The following NRXN1 variants were observed in gnomAD, a reference collection of about 807,000 sequenced individuals.
NRXN1 encodes the protein neurexin 1, also known as neurexin-1.
NRXN1 carries 39 observed loss-of-function variants against 150.9 expected under a neutral mutation model. The ratio of observed to expected loss-of-function variants is 0.26; its 90% confidence interval spans 0.20 to 0.34. NRXN1 has a LOEUF of 0.34. Among genes scored for constraint, NRXN1 ranks in the 10% least tolerant of loss-of-function variants. The pLI, the probability that NRXN1 is intolerant of heterozygous loss-of-function variation, is 1.00. For synonymous variants in NRXN1, 924 were observed against 757.0 expected (o/e 1.22, Z -3.62); for missense variants, 1,815 against 1,949.9 (o/e 0.93, Z 1.30).
chr2:50,263,314 C>T (rs1446487392), intron 17 of NRXN1, among the ~76,000 whole-genome samples: 2 of 151,762 alleles, frequency 1.3e-5, no homozygotes, highest in African/African-American at 2.4e-5. Flanking sequence ...TATAACTGTC[C>T]CATACTGAAG....
At chr2:50,254,317 G>T (rs760750053) in intron 17 of NRXN1, among the ~76,000 whole-genome samples, 126 of 138,190 alleles carry the variant, frequency 9.1e-4, no homozygotes, top group Non-Finnish European at 1.8e-3. Flanking sequence ...TTTTTTATTA[G>T]TCTAGCTATC....
At chr2:50,152,717 A>G (rs1182917596) in intron 18 of NRXN1, among the ~76,000 whole-genome samples, 2 of 151,818 alleles carry the variant, frequency 1.3e-5, no homozygotes, top group African/African-American at 4.8e-5. Flanking sequence ...GATGACATGT[A>G]TGAATGACTT....
chr2:50,548,388 G>C (rs1043103689), intron 9 of NRXN1, among the ~76,000 whole-genome samples: 3 of 152,130 alleles, frequency 2.0e-5, no homozygotes, highest in African/African-American at 7.2e-5. Context: ...ATTCACAAGA[G>C]AACACCAGTT....
chr2:50,572,398 C>T (rs113410200), intron 8 of NRXN1, among the ~76,000 whole-genome samples: 4,174 of 152,160 alleles, frequency 0.027, 80 homozygotes, highest in Middle Eastern at 0.11. Flanking sequence ...GATCTAGCTC[C>T]TTCTGTTTTT....
chr2:49,975,302 T>A (rs1383283752), intron 21 of NRXN1, among the ~76,000 whole-genome samples: 1 of 152,002 alleles, frequency 6.6e-6, no homozygotes, highest in Non-Finnish European at 1.5e-5. Context: ...TTTTATTGCT[T>A]TTCATTGCCC....
chr2:50,411,039 T>TCTCCCC, intron 17 of NRXN1, among the ~76,000 whole-genome samples: 1 of 151,720 alleles, frequency 6.6e-6, no homozygotes, highest in Non-Finnish European at 1.5e-5. Context: ...TCCCTCTCCC[T>TCTCCCC]CTCCCCCTCC....
intron 19 of NRXN1, among the ~76,000 whole-genome samples, chr2:50,064,714 C>A (rs1695099669): frequency 1.3e-5 from 2 of 152,084 alleles, no homozygotes; most frequent in South Asian, 4.1e-4. Context: ...AAATGTTAAC[C>A]CTCCAAGGAG....
At chr2:50,344,898 C>A (rs1201860505) in intron 17 of NRXN1, among the ~76,000 whole-genome samples, 1 of 152,194 alleles carries the variant, frequency 6.6e-6, no homozygotes, top group Non-Finnish European at 1.5e-5. Flanking sequence ...CCATCTGCCT[C>A]ACCACACCCA....
chr2:50,165,409 C>T (rs574320118), intron 18 of NRXN1, among the ~76,000 whole-genome samples: 14 of 152,232 alleles, frequency 9.2e-5, no homozygotes, highest in East Asian at 3.9e-4. Context: ...AGTGCAGTGG[C>T]GCAATCTCAG....
At chr2:50,342,216 C>T (rs918525550) in intron 17 of NRXN1, among the ~76,000 whole-genome samples, 1 of 152,126 alleles carries the variant, frequency 6.6e-6, no homozygotes, top group African/African-American at 2.4e-5. Flanking sequence ...TTTTGGGCAA[C>T]CAAAAAATTA....
At chr2:50,608,256 T>C (rs575076475) in intron 8 of NRXN1, among the ~76,000 whole-genome samples, 7 of 152,354 alleles carry the variant, frequency 4.6e-5, no homozygotes, top group Non-Finnish European at 8.8e-5. Flanking sequence ...ATACTGCCAA[T>C]GATGACAATA....
chr2:49,964,465 A>G (rs1676575922), intron 21 of NRXN1, among the ~76,000 whole-genome samples: 1 of 151,942 alleles, frequency 6.6e-6, no homozygotes, highest in Admixed American at 6.6e-5. Context: ...CTGTAATGCC[A>G]GCTACTCGGG....
intron 22 of NRXN1, among the ~76,000 whole-genome samples, chr2:49,935,126 CTATG>C (rs1374132593): frequency 1.3e-5 from 2 of 152,144 alleles, no homozygotes; most frequent in Non-Finnish European, 2.9e-5. Context: ...CTGTGGTAGA[CTATG>C]TTAAGTGCTT....
At chr2:49,999,251 A>C (rs7563354) in intron 21 of NRXN1, among the ~76,000 whole-genome samples, 72,080 of 151,938 alleles carry the variant, frequency 0.47, 17,684 homozygotes, top group Middle Eastern at 0.62. Flanking sequence ...CCTATAAATA[A>C]GATCTAAAAA....
intron 17 of NRXN1, among the ~76,000 whole-genome samples, chr2:50,306,897 T>C (rs977983331): frequency 6.6e-6 from 1 of 152,226 alleles, no homozygotes; most frequent in Non-Finnish European, 1.5e-5. Flanking sequence ...TCCTGTATGA[T>C]ACTAACAATA....
chr2:50,233,583 T>C (rs989981635), intron 18 of NRXN1, among the ~76,000 whole-genome samples: 1 of 152,124 alleles, frequency 6.6e-6, no homozygotes, highest in African/African-American at 2.4e-5. Context: ...TGGCTTACTC[T>C]ATCAAATAAG....
chr2:50,103,278 A>T (rs1351467587), intron 18 of NRXN1, among the ~76,000 whole-genome samples: 3 of 152,064 alleles, frequency 2.0e-5, no homozygotes, highest in Non-Finnish European at 4.4e-5. Context: ...TGTCTTGTTA[A>T]CTTATTTATC....
At chr2:50,783,944 C>T (rs1220890815) in intron 5 of NRXN1, among the ~76,000 whole-genome samples, 1 of 152,058 alleles carries the variant, frequency 6.6e-6, no homozygotes, top group East Asian at 1.9e-4. Context: ...TAAAGAATAC[C>T]TTCCACTTTT....
intron 5 of NRXN1, among the ~76,000 whole-genome samples, chr2:50,810,884 G>A (rs1432891387): frequency 1.3e-5 from 2 of 151,984 alleles, no homozygotes; most frequent in Non-Finnish European, 2.9e-5. Flanking sequence ...GGAGGCTGAG[G>A]CAGGGGAATC....
Sources: gnomAD v4.1 joint callset for allele counts (sites outside exome capture counted in the v4.1 genomes callset) on GRCh38, gnomAD v4.1.1 for gene constraint, MANE v1.5 for transcripts, NCBI Gene and HGNC (gene_info 2026-07-23, HGNC 2026-07-21) for gene names.